MAGI1: variants seen among roughly 807,000 people sequenced by gnomAD.
MAGI1 encodes membrane-associated guanylate kinase, WW and PDZ domain-containing protein 1.
MAGI1 carries 58 observed loss-of-function variants against 139.9 expected under a neutral mutation model. The ratio of observed to expected loss-of-function variants is 0.41; its 90% CI spans 0.34 to 0.52. The LOEUF (loss-of-function observed/expected upper bound fraction) is 0.52. MAGI1 is among the 20% of genes least tolerant of loss of function. The pLI, the probability that MAGI1 is intolerant of heterozygous loss-of-function variation, is 0.12. For missense variants in MAGI1, 1,874 were observed against 1,901.6 expected (o/e 0.99, Z 0.27); for synonymous variants, 812 against 737.9 (o/e 1.10, Z -1.63).
At chr3:65,827,454 A>G (rs2042288496) in intron 1 of MAGI1, among the ~76,000 whole-genome samples, 1 of 152,226 alleles carries the variant, frequency 6.6e-6, no homozygotes, top group South Asian at 2.1e-4. Flanking sequence ...AAGAGGCAAT[A>G]TTATCACTTG....
chr3:65,950,032 G>A (rs1268277581), intron 1 of MAGI1, among the ~76,000 whole-genome samples: 1 of 99,664 alleles, frequency 1.0e-5, no homozygotes, highest in African/African-American at 4.0e-5. Context: ...CTGGGCAACA[G>A]AGCCAGATCA....
At chr3:65,720,366 G>GTATA (rs2032861507) in intron 1 of MAGI1, among the ~76,000 whole-genome samples, 1 of 152,092 alleles carries the variant, frequency 6.6e-6, no homozygotes, top group Non-Finnish European at 1.5e-5. Context: ...TGCCCCATGG[G>GTATA]CATCTGACAC....
chr3:65,896,486 A>C (rs865854), intron 1 of MAGI1, among the ~76,000 whole-genome samples: 1 of 152,170 alleles, frequency 6.6e-6, no homozygotes, highest in Non-Finnish European at 1.5e-5. Context: ...AGATTTAGCT[A>C]CAAGGACATT....
intron 1 of MAGI1, among the ~76,000 whole-genome samples, chr3:65,815,763 CCTTAT>C (rs1375908695): frequency 3.3e-5 from 5 of 152,066 alleles, no homozygotes; most frequent in South Asian, 2.1e-4. Context: ...GATTCATATA[CCTTAT>C]CTTAATTAAT....
At chr3:65,901,360 G>A (rs919585905) in intron 1 of MAGI1, among the ~76,000 whole-genome samples, 2 of 152,222 alleles carry the variant, frequency 1.3e-5, no homozygotes, top group African/African-American at 4.8e-5. Context: ...CTCGGTGGAA[G>A]GGTGAGAGTC....
intron 1 of MAGI1, among the ~76,000 whole-genome samples, chr3:65,727,705 A>G (rs553885276): frequency 9.8e-5 from 15 of 152,310 alleles, no homozygotes; most frequent in Admixed American, 7.2e-4. Flanking sequence ...TTTTGTTTCA[A>G]TCAATGAGTA....
At chr3:65,527,737 T>C (rs2078453431) in intron 2 of MAGI1, among the ~76,000 whole-genome samples, 1 of 148,352 alleles carries the variant, frequency 6.7e-6, no homozygotes, top group African/African-American at 2.5e-5. Flanking sequence ...AAAATGTATA[T>C]AAAAATAAAA....
intron 12 of MAGI1, among the ~76,000 whole-genome samples, chr3:65,414,921 C>T (rs547477178): frequency 7.6e-5 from 11 of 145,080 alleles, no homozygotes; most frequent in Admixed American, 3.5e-4. Context: ...CCCAGCTACT[C>T]GGGAGGCTGA....
chr3:65,440,379 G>C (rs367551788), intron 8 of MAGI1, among the ~76,000 whole-genome samples: 3 of 152,052 alleles, frequency 2.0e-5, no homozygotes, highest in East Asian at 1.9e-4. Context: ...GCAAGCTCAG[G>C]GTTGCCTGCT....
chr3:65,973,669 C>T (rs544882348), intron 1 of MAGI1, among the ~76,000 whole-genome samples: 47 of 152,280 alleles, frequency 3.1e-4, no homozygotes, highest in African/African-American at 1.1e-3. Context: ...CCTAATTATT[C>T]TAAATCTTAG....
rs987064033 is a variant in MAGI1 at position 65,355,497 on chromosome 3, C to T, written c.*881G>A. ...GTCTTCCTCACACCAGGCACACTGTCCCCCCATTCCATCTACTATTCAGCC... is the reference window on the plus strand; with the variant it reads ...GTCTTCCTCACACCAGGCACACTGTTCCCCCATTCCATCTACTATTCAGCC... On this transcript the variant is annotated 3_prime_UTR_variant, in exon 23 of 23. Coordinates refer to ENST00000402939, the MANE Select transcript of MAGI1 (RefSeq NM_001033057.2). The T allele has an allele frequency of 6.6e-6, 1 of 152,348 alleles. No individual in the cohort carries two copies. The highest frequency in any genetic ancestry group is 1.5e-5 in the Non-Finnish European group (1 of 68,072). The allele number at this position is 152,348 out of a possible 1,614,324, so 9.4% of individuals were successfully genotyped here. A position where few individuals can be genotyped will look rare whatever the true frequency, so the allele number is the denominator to read the frequency against.
intron 2 of MAGI1, among the ~76,000 whole-genome samples, chr3:65,603,647 A>C (rs914936308): frequency 2.6e-5 from 4 of 152,244 alleles, no homozygotes; most frequent in African/African-American, 4.8e-5. Flanking sequence ...TATAAAGTTA[A>C]AGCAGAACTA....
intron 1 of MAGI1, among the ~76,000 whole-genome samples, chr3:65,928,698 G>A (rs553619418): frequency 3.3e-5 from 5 of 152,064 alleles, no homozygotes; most frequent in African/African-American, 1.2e-4. Flanking sequence ...AGAGAAAATG[G>A]GTCAATGCCT....
intron 2 of MAGI1, among the ~76,000 whole-genome samples, chr3:65,552,258 G>C (rs913753983): frequency 9.3e-5 from 10 of 107,560 alleles, no homozygotes; most frequent in South Asian, 5.3e-4. Flanking sequence ...GTGTGTATAG[G>C]GGTGTGTGTG....
At chr3:65,629,110 C>A (rs2084142627) in intron 1 of MAGI1, among the ~76,000 whole-genome samples, 1 of 152,228 alleles carries the variant, frequency 6.6e-6, no homozygotes, top group Non-Finnish European at 1.5e-5. Context: ...CCAGAAGCAT[C>A]TTTTCAAGGT....
chr3:65,440,927 CAT>C (rs1363504234), intron 8 of MAGI1, among the ~76,000 whole-genome samples: 1 of 147,314 alleles, frequency 6.8e-6, no homozygotes. Flanking sequence ...CACACACACA[CAT>C]ATACACACAC....
chr3:65,887,001 T>C lies in MAGI1; in HGVS notation c.313+150995A>G, dbSNP rs573617424. Among the ~76,000 whole-genome samples the C allele has an allele frequency of 2.0e-3, 297 of 152,306 alleles. 4 individuals are homozygous for C. The highest frequency in any genetic ancestry group is 6.6e-3 in the African/African-American group (275 of 41,558). ...TTAAGAAAATAAAGTACCTAGTTAATGTCAAAGGCTTCTGTGCAAACTCAT... is the reference window on the plus strand; with the variant it reads ...TTAAGAAAATAAAGTACCTAGTTAACGTCAAAGGCTTCTGTGCAAACTCAT... On this transcript the variant is annotated intron_variant, in intron 1 of 22. Transcript: ENST00000402939.
Position 65,516,718 on chromosome 3 carries a change from CTTTTTTTTTTTTTT to C in MAGI1, c.431-23101_431-23088del, listed in dbSNP as rs71102867. ...GGAAGAAACATAGTACATCCCACCT[CTTTTTTTTTTTTTT>C]TTTTTTTTTTTTTGAGACGGAGTCT... On this transcript the variant is annotated intron_variant, in intron 2 of 22. Transcript: ENST00000402939. Among the ~76,000 whole-genome samples the C allele has an allele frequency of 1.0e-4, 7 of 66,978 alleles. 1 individual carries two copies. The highest frequency in any genetic ancestry group is 1.4e-3 in the South Asian group (2 of 1,392). 43.9% of individuals were successfully genotyped at this position (66,978 alleles called of 152,430 possible). A position where few individuals can be genotyped will look rare whatever the true frequency, so the allele number is the denominator to read the frequency against.
At chr3:66,005,254 T>C (rs2066952877) in intron 1 of MAGI1, among the ~76,000 whole-genome samples, 1 of 152,160 alleles carries the variant, frequency 6.6e-6, no homozygotes, top group Non-Finnish European at 1.5e-5. Context: ...TCAATAATGC[T>C]GCATCTCCCA....
Sources: allele counts gnomAD v4.1 joint callset (sites outside exome capture counted in the v4.1 genomes callset), GRCh38; gene constraint gnomAD v4.1.1; transcripts MANE v1.5; gene names NCBI Gene and HGNC (gene_info 2026-07-23, HGNC 2026-07-21).